TANC2: variants seen among roughly 807,000 people sequenced by gnomAD.
TANC2 encodes the protein tetratricopeptide repeat, ankyrin repeat and coiled-coil containing 2, also known as protein TANC2.
A neutral mutation model predicts 210.5 loss-of-function variants in TANC2; 26 were observed. The ratio of observed to expected loss-of-function variants is 0.12; its 90% CI spans 0.09 to 0.17. TANC2 has a LOEUF of 0.17. Among genes scored for constraint, TANC2 ranks in the 10% least tolerant of loss-of-function variants. The pLI is 1.00. For missense variants in TANC2, 2,129 were observed against 2,608.9 expected, an observed-to-expected ratio of 0.82 and a Z score of 4.01; for synonymous variants, 931 against 967.1, an observed-to-expected ratio of 0.96 and a Z score of 0.69.
intron 8 of TANC2, among the ~76,000 whole-genome samples, chr17:63,250,906 G>A (rs2043038505): frequency 6.6e-6 from 1 of 152,162 alleles, no homozygotes; most frequent in African/African-American, 2.4e-5. Flanking sequence ...TCTGAAGGAA[G>A]ATAATAGAAA....
intron 2 of TANC2, among the ~76,000 whole-genome samples, chr17:63,016,795 C>T (rs908395944): frequency 1.3e-5 from 2 of 151,878 alleles, no homozygotes; most frequent in Non-Finnish European, 2.9e-5. Context: ...TTGACTTTTC[C>T]CTAATGATTA....
At chr17:63,301,671 T>C (rs2044717835) in intron 9 of TANC2, among the ~76,000 whole-genome samples, 1 of 152,090 alleles carries the variant, frequency 6.6e-6, no homozygotes, top group Non-Finnish European at 1.5e-5. Flanking sequence ...TTCTCTCTTT[T>C]CTTCTTTATT....
intron 2 of TANC2, among the ~76,000 whole-genome samples, chr17:63,070,390 C>T (rs967214510): frequency 2.0e-5 from 3 of 152,160 alleles, no homozygotes; most frequent in Middle Eastern, 6.3e-3. Flanking sequence ...TAAAGGATCA[C>T]CTAGAGAGAG....
chr17:63,091,286 A>G (rs1357937514), intron 3 of TANC2, among the ~76,000 whole-genome samples: 1 of 152,160 alleles, frequency 6.6e-6, no homozygotes, highest in African/African-American at 2.4e-5. Flanking sequence ...GTCCTTGACC[A>G]TGCCTGTGTC....
intron 1 of TANC2, among the ~76,000 whole-genome samples, chr17:63,002,799 G>C (rs550639209): frequency 6.6e-6 from 1 of 152,266 alleles, no homozygotes; most frequent in East Asian, 1.9e-4. Flanking sequence ...TGATTTATCT[G>C]TGTTGACTGT....
chr17:63,280,743 C>G (rs973391440), intron 9 of TANC2, among the ~76,000 whole-genome samples: 25 of 152,070 alleles, frequency 1.6e-4, no homozygotes, highest in African/African-American at 5.8e-4. Context: ...TTATGTAATA[C>G]TGATCTATAG....
intron 6 of TANC2, among the ~76,000 whole-genome samples, chr17:63,200,150 G>A (rs1435475902): frequency 6.6e-6 from 1 of 151,954 alleles, no homozygotes; most frequent in Non-Finnish European, 1.5e-5. Flanking sequence ...GAGGTCAGGA[G>A]TTCGAGACCA....
At chr17:63,385,726 T>A (rs1003127932) in intron 15 of TANC2, among the ~76,000 whole-genome samples, 1 of 152,208 alleles carries the variant, frequency 6.6e-6, no homozygotes, top group African/African-American at 2.4e-5. Context: ...AGTAGACAGA[T>A]TCAGAACAGA....
chr17:63,204,565 T>G (rs2041637800), intron 7 of TANC2, among the ~76,000 whole-genome samples: 1 of 148,978 alleles, frequency 6.7e-6, no homozygotes, highest in African/African-American at 2.5e-5. Flanking sequence ...GGAGTTCAAG[T>G]CCAGCCTGGA....
intron 1 of TANC2, among the ~76,000 whole-genome samples, chr17:62,994,495 T>G (rs1296820092): frequency 6.6e-6 from 1 of 152,216 alleles, no homozygotes; most frequent in Non-Finnish European, 1.5e-5. Context: ...AGGCTTTTTA[T>G]AGATGCCATT....
intron 5 of TANC2, among the ~76,000 whole-genome samples, chr17:63,193,193 A>G (rs1443578234): frequency 6.6e-6 from 1 of 152,186 alleles, no homozygotes; most frequent in Non-Finnish European, 1.5e-5. Flanking sequence ...TGATTCTCTT[A>G]TTTCTGTTCT....
At chr17:63,419,657 T>G (rs1409920739) in intron 27 of TANC2, among the ~76,000 whole-genome samples, 1 of 152,230 alleles carries the variant, frequency 6.6e-6, no homozygotes, top group East Asian at 1.9e-4. Flanking sequence ...ACAGTGACCC[T>G]GTAAATGACA....
At chr17:63,280,114 A>C (rs2044015708) in intron 9 of TANC2, among the ~76,000 whole-genome samples, 1 of 152,084 alleles carries the variant, frequency 6.6e-6, no homozygotes, top group Admixed American at 6.6e-5. Flanking sequence ...ATTTCATCCA[A>C]GTCCTTTGTT....
At chr17:63,116,573 GAAGT>G (rs1477424143) in intron 4 of TANC2, among the ~76,000 whole-genome samples, 2 of 152,210 alleles carry the variant, frequency 1.3e-5, no homozygotes, top group East Asian at 1.9e-4. Flanking sequence ...CATTTTTAGT[GAAGT>G]AAGTGTCTTT....
intron 4 of TANC2, among the ~76,000 whole-genome samples, chr17:63,142,414 C>A (rs1412925517): frequency 6.6e-6 from 1 of 152,072 alleles, no homozygotes; most frequent in East Asian, 1.9e-4. Flanking sequence ...CCCTTATAGT[C>A]CTTTACGTTT....
At chr17:63,078,855 G>A (rs1270772105) in intron 3 of TANC2, among the ~76,000 whole-genome samples, 1 of 152,178 alleles carries the variant, frequency 6.6e-6, no homozygotes, top group Non-Finnish European at 1.5e-5. Context: ...AAAAGAAAGT[G>A]TATTATGCTG....
Position 63,304,000 on chromosome 17 carries a change from A to G in TANC2, c.1160-10388A>G, listed in dbSNP as rs755504735. On this transcript the variant is annotated intron_variant, in intron 9 of 27. Coordinates refer to ENST00000689528, the Ensembl canonical transcript of TANC2. ...TTAGCAGCTCCTATAACCTTTATCA[A>G]GGTTCTTAGCTTCTTTGCATTGGGT... 1.1e-4 allele frequency among the ~76,000 whole-genome samples: 16 copies of G among 151,996 alleles called. 1 individual carries two copies. The highest frequency in any genetic ancestry group is 1.8e-4 in the Non-Finnish European group (12 of 67,990).
intron 8 of TANC2, among the ~76,000 whole-genome samples, chr17:63,255,097 TTA>T (rs1491525620): frequency 1.4e-5 from 2 of 147,042 alleles, no homozygotes; most frequent in Non-Finnish European, 3.0e-5. Context: ...ATTTATTTAT[TTA>T]TTTATTTTTA....
intron 12 of TANC2, among the ~76,000 whole-genome samples, chr17:63,346,721 T>C (rs1269566795): frequency 6.6e-6 from 1 of 152,206 alleles, no homozygotes; most frequent in Non-Finnish European, 1.5e-5. Context: ...TTCTTTTTTT[T>C]GAGACAAGGT....
Sources: gnomAD v4.1 joint callset for allele counts (sites outside exome capture counted in the v4.1 genomes callset) on GRCh38, gnomAD v4.1.1 for gene constraint, MANE v1.5 for transcripts, NCBI Gene and HGNC (gene_info 2026-07-23, HGNC 2026-07-21) for gene names.